TNNI3K: variants seen among roughly 807,000 people sequenced by gnomAD.
The protein encoded by TNNI3K is TNNI3 interacting kinase, also known as serine/threonine-protein kinase TNNI3K.
In TNNI3K, 140 loss-of-function variants were observed where a neutral mutation model predicts 114.5. That is an observed-to-expected ratio of 1.22 (90% CI 1.07 to 1.41). The LOEUF is 1.41. Among genes scored for constraint, TNNI3K ranks in the 40% most tolerant of loss-of-function variants. TNNI3K has a pLI of 0.00. For synonymous variants in TNNI3K, 347 were observed against 347.5 expected (o/e 1.00, Z 0.02); for missense variants, 1,125 against 1,007.6 (o/e 1.12, Z -1.58).
Position 74,301,891 on chromosome 1 carries a change from C to T in TNNI3K, c.445-29559C>T, listed in dbSNP as rs986700540. 5.3e-5 allele frequency among the ~76,000 whole-genome samples: 8 copies of T among 152,188 alleles called. No homozygotes were observed. In the South Asian group the frequency reaches 1.7e-3, roughly 32 times the overall value. On this transcript the variant is annotated intron_variant, in intron 5 of 24. Coordinates refer to ENST00000326637, the MANE Select transcript of TNNI3K (RefSeq NM_015978.3). The stretch of plus-strand genomic sequence containing the variant: ...ATTTTAGTAAAGACAGCAGTGACTT[C>T]TAAATGACTATGTGGAGGAGAGCCA...
intron 17 of TNNI3K, among the ~76,000 whole-genome samples, chr1:74,382,528 G>A (rs1663254261): frequency 6.6e-6 from 1 of 152,180 alleles, no homozygotes. Flanking sequence ...AACTGAAGGT[G>A]AAAGGTTTTG....
In TNNI3K at chr1:74,392,059, G is replaced by A. The variant is rs138490455; in HGVS notation, c.1772+21667G>A. ...TGGCTCACTGCAAGCTCCGCCTCCC[G>A]GGTTCACGCCATTCTCCTGCCTCAG... On this transcript the variant is annotated intron_variant, in intron 17 of 24. Coordinates refer to ENST00000326637, the MANE Select transcript of TNNI3K (RefSeq NM_015978.3). Among the ~76,000 whole-genome samples the A allele has an allele frequency of 9.9e-3, 1,418 of 143,332 alleles. 23 individuals are homozygous for A. The highest frequency in any genetic ancestry group is 0.033 in the African/African-American group (1,284 of 38,490). The allele number at this position is 143,332 out of a possible 152,430, so 94.0% of individuals were successfully genotyped here.
intron 21 of TNNI3K, among the ~76,000 whole-genome samples, chr1:74,481,428 A>G (rs1451660074): frequency 1.3e-5 from 2 of 152,198 alleles, no homozygotes; most frequent in African/African-American, 4.8e-5. Flanking sequence ...GAAGTCAATC[A>G]TCTTTTCTCC....
intron 20 of TNNI3K, among the ~76,000 whole-genome samples, chr1:74,461,005 C>T (rs1393501076): frequency 6.6e-6 from 1 of 152,152 alleles, no homozygotes; most frequent in East Asian, 1.9e-4. Flanking sequence ...CCCTCCCCAC[C>T]CATTAGACTA....
chr1:74,495,018 A>G (rs901283449), intron 23 of TNNI3K, among the ~76,000 whole-genome samples: 2 of 152,220 alleles, frequency 1.3e-5, no homozygotes, highest in African/African-American at 2.4e-5. Context: ...AGAGATGTAT[A>G]CCACTACTAA....
At position 74,250,447 on chromosome 1, in the gene TNNI3K, AAGAC is replaced by A. The variant is rs201957447; in HGVS notation, c.236-221_236-218del. 5.7e-3 allele frequency among the ~76,000 whole-genome samples: 866 copies of A among 152,370 alleles called. 8 individuals carry two copies. Among genetic ancestry groups the A allele is most frequent in the African/African-American group, 0.02 (825 of 41,596 alleles). On this transcript the variant is annotated intron_variant, in intron 3 of 24. Transcript: ENST00000326637. ...GATGAGGGTACTAAATAAAAAATCTAAGACAGAGTCAAAATACACAGCATTTGAA... is the reference window on the plus strand; with the variant it reads ...GATGAGGGTACTAAATAAAAAATCTAAGAGTCAAAATACACAGCATTTGAA...
intron 5 of TNNI3K, among the ~76,000 whole-genome samples, chr1:74,322,676 G>A (rs975803548): frequency 3.9e-5 from 6 of 151,942 alleles, no homozygotes; most frequent in Admixed American, 3.3e-4. Flanking sequence ...GTCCAGGCTG[G>A]TCTAAAACTC....
chr1:74,360,135 A>G (rs1570519473), intron 11 of TNNI3K, among the ~76,000 whole-genome samples: 1 of 151,734 alleles, frequency 6.6e-6, no homozygotes, highest in Non-Finnish European at 1.5e-5. Context: ...TCAGATCCTC[A>G]TAATACTTCT....
intron 2 of TNNI3K, among the ~76,000 whole-genome samples, chr1:74,241,889 G>A (rs760185332): frequency 5.7e-5 from 8 of 140,734 alleles, no homozygotes; most frequent in South Asian, 2.2e-4. Flanking sequence ...TCGCTCTGTC[G>A]CCCAGGCTGG....
At chr1:74,236,950 T>C (rs1653893337) in intron 2 of TNNI3K, among the ~76,000 whole-genome samples, 1 of 151,894 alleles carries the variant, frequency 6.6e-6, no homozygotes, top group Non-Finnish European at 1.5e-5. Context: ...ATTAGCCATG[T>C]TCATTTATAG....
intron 5 of TNNI3K, among the ~76,000 whole-genome samples, chr1:74,300,820 G>T (rs1277030447): frequency 6.6e-6 from 1 of 152,158 alleles, no homozygotes; most frequent in African/African-American, 2.4e-5. Context: ...TATCTGGCTA[G>T]CCTTGGGTGG....
chr1:74,271,681 T>C lies in TNNI3K; in HGVS notation c.417T>C (p.His139=). The C allele has an allele frequency of 6.2e-7, 1 of 1,608,912 alleles. No individual in the cohort carries two copies. The highest frequency in any genetic ancestry group is 1.1e-5 in the South Asian group (1 of 90,170). Residue 139 remains histidine, a synonymous_variant, in exon 5 of 25, where the codon CAT becomes CAC. Coordinates refer to ENST00000326637, the MANE Select transcript of TNNI3K (RefSeq NM_015978.3). ...QVGYGGLTAL[H]IATIAGHLEA... is the part of the protein sequence containing the mutation. ...GATACGGTGGCCTCACTGCCCTCCA[T>C]ATTGCTACAATAGCTGGCCACCTAG... is the stretch of plus-strand genomic sequence containing the variant.
In TNNI3K at chr1:74,342,989, GAGTATTATGT is replaced by G. The variant is rs1570490641; in HGVS notation, c.827+6_827+15del. On this transcript the variant is annotated splice_donor_5th_base_variant and intron_variant, in intron 8 of 24. Coordinates refer to ENST00000326637, the MANE Select transcript of TNNI3K (RefSeq NM_015978.3). ...TATGGAGATACCCCCTTACACCTGTGAGTATTATGTAGCATTCCATAGGTTCTCCAGGTAT... is the reference window on the plus strand; with the variant it reads ...TATGGAGATACCCCCTTACACCTGTGAGCATTCCATAGGTTCTCCAGGTAT... The G allele has an allele frequency of 4.3e-6, 7 of 1,613,768 alleles. No individual in the cohort carries two copies. In the African/African-American group the frequency reaches 8.0e-5, roughly 18 times the overall value.
chr1:74,369,742 A>G, intron 16 of TNNI3K, 157 bp downstream of exon 16: 1 of 804,316 alleles, frequency 1.2e-6, no homozygotes, highest in Non-Finnish European at 1.7e-6. Context: ...TTTATGCCTA[A>G]TAACTGTGTT....
intron 23 of TNNI3K, among the ~76,000 whole-genome samples, chr1:74,509,747 CTTTTTTTTTTTTTTTT>C (rs68193106): frequency 2.1e-5 from 1 of 47,784 alleles, no homozygotes; most frequent in East Asian, 8.3e-4. Context: ...ATCTGAATTT[CTTTTTTTTTTTTTTTT>C]TTTTTTTTTT....
rs548675974 is a variant in TNNI3K, at chr1:74,418,980, TA to T, written c.1773-17097del. 2.0e-3 allele frequency among the ~76,000 whole-genome samples: 297 copies of T among 152,232 alleles called. 1 individual carries two copies. Among genetic ancestry groups the T allele is most frequent in the Middle Eastern group, 6.8e-3 (2 of 294 alleles). ...TGTTGCTGTTTTAAAGTTCTGGGTT[TA>T]AATTAACAAAGAATTATTTTTTAAC... On this transcript the variant is annotated intron_variant, in intron 17 of 24. Coordinates refer to ENST00000326637, the MANE Select transcript of TNNI3K (RefSeq NM_015978.3).
chr1:74,363,198 G>A (rs968863074), intron 11 of TNNI3K, among the ~76,000 whole-genome samples: 3 of 152,006 alleles, frequency 2.0e-5, no homozygotes, highest in African/African-American at 4.8e-5. Flanking sequence ...ACTCCTTGTG[G>A]CCAAGTGTCC....
At chr1:74,499,095 G>A (rs1669478743) in intron 23 of TNNI3K, among the ~76,000 whole-genome samples, 1 of 152,166 alleles carries the variant, frequency 6.6e-6, no homozygotes. Context: ...AAACATCCCA[G>A]GAATGCAGGT....
intron 17 of TNNI3K, among the ~76,000 whole-genome samples, chr1:74,425,871 C>G (rs1347746492): frequency 6.6e-6 from 1 of 151,886 alleles, no homozygotes; most frequent in Non-Finnish European, 1.5e-5. Context: ...TAAAATAGCC[C>G]TAAACCATCG....
Sources: gnomAD v4.1 joint callset for allele counts (sites outside exome capture counted in the v4.1 genomes callset) on GRCh38, gnomAD v4.1.1 for gene constraint, MANE v1.5 for transcripts, NCBI Gene and HGNC (gene_info 2026-07-23, HGNC 2026-07-21) for gene names.